Variants in ADGRB3 observed in about 807,000 individuals in gnomAD.
ADGRB3 encodes the protein brain-specific angiogenesis inhibitor 3.
A neutral mutation model predicts 193.4 loss-of-function variants in ADGRB3; 37 were observed. The ratio of observed to expected loss-of-function variants is 0.19; its 90% CI spans 0.15 to 0.25. The LOEUF (loss-of-function observed/expected upper bound fraction) is 0.25. Ranked by LOEUF, ADGRB3 falls within the 10% of genes least tolerant of loss-of-function variation. ADGRB3 has a pLI of 1.00. For missense variants in ADGRB3, 1,637 were observed against 1,852.9 expected (o/e 0.88, Z 2.14); for synonymous variants, 690 against 644.2 (o/e 1.07, Z -1.08).
At chr6:69,383,359 A>G (rs1582670165) in intron 31 of ADGRB3, among the ~76,000 whole-genome samples, 2 of 152,072 alleles carry the variant, frequency 1.3e-5, no homozygotes, top group Middle Eastern at 3.4e-3. Flanking sequence ...TTTTGTCTCC[A>G]GGAGATTTAC....
intron 3 of ADGRB3, among the ~76,000 whole-genome samples, chr6:68,778,436 A>G (rs1295107419): frequency 6.6e-6 from 1 of 152,148 alleles, no homozygotes; most frequent in Middle Eastern, 3.2e-3. Context: ...AGTTAAGACA[A>G]TTCCTCGCTA....
At chr6:69,172,927 T>C (rs537522042) in intron 17 of ADGRB3, among the ~76,000 whole-genome samples, 34 of 152,282 alleles carry the variant, frequency 2.2e-4, no homozygotes, top group African/African-American at 8.2e-4. Flanking sequence ...TGGAATACAC[T>C]GAGTGACAAA....
rs191983690 is a variant in ADGRB3, at chr6:68,801,095, C to T, written c.758-129464C>T. Among the ~76,000 whole-genome samples, 5 of 152,316 alleles carry T rather than the reference C, an allele frequency of 3.3e-5. No homozygotes were observed. The East Asian group carries it at 7.7e-4, about 24-fold the overall frequency. On this transcript the variant is annotated intron_variant, in intron 3 of 31. Transcript: ENST00000370598. ...TGTTTGTAGGCTTAATTAATATGTA[C>T]AGCATTTATTTCACTGTTCAACCTG...
chr6:68,932,520 A>G (rs1767369094), intron 4 of ADGRB3, among the ~76,000 whole-genome samples: 1 of 152,078 alleles, frequency 6.6e-6, no homozygotes, highest in Non-Finnish European at 1.5e-5. Flanking sequence ...GACAAACATA[A>G]ATACATGTAT....
chr6:68,731,964 T>A (rs919982877), intron 3 of ADGRB3, among the ~76,000 whole-genome samples: 1 of 151,702 alleles, frequency 6.6e-6, no homozygotes, highest in Non-Finnish European at 1.5e-5. Context: ...TTTTCTATTA[T>A]TTTTTAAAAG....
chr6:69,354,908 T>C (rs1769307132), intron 27 of ADGRB3, among the ~76,000 whole-genome samples: 2 of 152,224 alleles, frequency 1.3e-5, no homozygotes, highest in South Asian at 4.1e-4. Flanking sequence ...ATAACCACTT[T>C]GATGTATTTT....
intron 20 of ADGRB3, among the ~76,000 whole-genome samples, chr6:69,264,181 G>A (rs1766985602): frequency 6.6e-6 from 1 of 151,890 alleles, no homozygotes; most frequent in Non-Finnish European, 1.5e-5. Flanking sequence ...AATTTACAAG[G>A]TGAGAAGGAA....
chr6:69,361,527 A>T lies in ADGRB3; in HGVS notation c.4239+15A>T. 6.3e-7 allele frequency: 1 copy of T among 1,597,774 alleles called. No individual in the cohort carries two copies. The highest frequency in any genetic ancestry group is 8.5e-7 in the Non-Finnish European group (1 of 1,171,394). On this transcript the variant is annotated intron_variant, in intron 29 of 31. Coordinates refer to ENST00000370598, the MANE Select transcript of ADGRB3 (RefSeq NM_001704.3). ...GTTCTTTAGAGGTGAGCCACAGAAGATTAAATTTTTCCTTGATAGTTGAAA... is the reference window on the plus strand; with the variant it reads ...GTTCTTTAGAGGTGAGCCACAGAAGTTTAAATTTTTCCTTGATAGTTGAAA...
At chr6:69,035,439 T>C (rs867600774) in intron 13 of ADGRB3, among the ~76,000 whole-genome samples, 15 of 152,238 alleles carry the variant, frequency 9.9e-5, no homozygotes, top group Middle Eastern at 6.8e-3. Context: ...GGACCTGATA[T>C]AATAATTAGT....
At chr6:69,128,140 G>A (rs570615650) in intron 17 of ADGRB3, among the ~76,000 whole-genome samples, 9 of 152,118 alleles carry the variant, frequency 5.9e-5, no homozygotes, top group East Asian at 5.8e-4. Context: ...GAAAGGTGCC[G>A]GCTGACTGTG....
At chr6:68,815,638 T>TGTGTGTGTGTGTGTGG (rs146536913) in intron 3 of ADGRB3, among the ~76,000 whole-genome samples, 2 of 149,520 alleles carry the variant, frequency 1.3e-5, no homozygotes, top group East Asian at 2.0e-4. Context: ...TGTGTGTGTG[T>TGTGTGTGTGTGTGTGG]GTGCATGTAG....
At chr6:68,651,659 C>A (rs1561983358) in intron 3 of ADGRB3, among the ~76,000 whole-genome samples, 1 of 152,106 alleles carries the variant, frequency 6.6e-6, no homozygotes, top group Admixed American at 6.5e-5. Context: ...ATTAATACAA[C>A]ATTATCTCCC....
rs377319042 is a variant in ADGRB3 at position 69,298,758 on chromosome 6, A to G, written c.2815-26114A>G. On this transcript the variant is annotated intron_variant, in intron 20 of 31. Transcript: ENST00000370598. The stretch of plus-strand genomic sequence containing the variant: ...GGATCATATTCCATTTTGTATTAAT[A>G]TGACTTTTTAAACTATTCATCCATT... Among the ~76,000 whole-genome samples the G allele has an allele frequency of 1.6e-4, 24 of 152,112 alleles. No homozygotes were observed. In the East Asian group the frequency reaches 3.9e-3, roughly 25 times the overall value.
chr6:68,801,008 G>T lies in ADGRB3; in HGVS notation c.758-129551G>T, dbSNP rs993885364. Reference sequence around the variant, plus strand: ...AAAAACTTTATTCTAAGACATAAAAGAAAGAGATTGCATGATCATGAGATG... The same window carrying T: ...AAAAACTTTATTCTAAGACATAAAATAAAGAGATTGCATGATCATGAGATG... On this transcript the variant is annotated intron_variant, in intron 3 of 31. Transcript: ENST00000370598. Among the ~76,000 whole-genome samples the T allele has an allele frequency of 4.6e-5, 7 of 152,138 alleles. No individual in the cohort carries two copies. The East Asian group carries it at 1.4e-3, about 29-fold the overall frequency.
chr6:68,830,034 A>AGATT (rs1767923986), intron 3 of ADGRB3, among the ~76,000 whole-genome samples: 2 of 152,324 alleles, frequency 1.3e-5, no homozygotes, highest in Middle Eastern at 3.4e-3. Context: ...TAAACAGCTA[A>AGATT]GATTTTACAA....
chr6:68,810,110 T>C (rs933050724), intron 3 of ADGRB3, among the ~76,000 whole-genome samples: 9 of 152,304 alleles, frequency 5.9e-5, no homozygotes, highest in African/African-American at 2.2e-4. Flanking sequence ...ACTGTTGCTG[T>C]TGTTGCTGCC....
chr6:69,246,418 G>A (rs549028478), intron 20 of ADGRB3, among the ~76,000 whole-genome samples: 1 of 152,284 alleles, frequency 6.6e-6, no homozygotes, highest in South Asian at 2.1e-4. Flanking sequence ...CTAACTTAGA[G>A]TTATTCTGGA....
intron 3 of ADGRB3, among the ~76,000 whole-genome samples, chr6:68,794,509 G>A (rs918881781): frequency 2.0e-5 from 3 of 152,004 alleles, no homozygotes; most frequent in African/African-American, 7.2e-5. Context: ...GTAACATATT[G>A]AGCTTATATT....
chr6:68,998,860 T>C (rs749392165), intron 11 of ADGRB3, among the ~76,000 whole-genome samples: 7 of 152,200 alleles, frequency 4.6e-5, no homozygotes, highest in Non-Finnish European at 1.0e-4. Flanking sequence ...GGTCATAAGA[T>C]GAAGCTCCCT....
Sources: gnomAD v4.1 joint callset for allele counts (sites outside exome capture counted in the v4.1 genomes callset) on GRCh38, gnomAD v4.1.1 for gene constraint, MANE v1.5 for transcripts, NCBI Gene and HGNC (gene_info 2026-07-23, HGNC 2026-07-21) for gene names.